Variants in PALM observed in about 807,000 individuals in gnomAD.
PALM encodes the protein paralemmin-1.
PALM carries 18 observed loss-of-function variants against 30.7 expected under a neutral mutation model. The observed-to-expected ratio is 0.59, with a 90% confidence interval of 0.41 to 0.87. The LOEUF (loss-of-function observed/expected upper bound fraction) is 0.87, where lower values mean the gene tolerates loss of function less well. PALM is among the 40% of genes least tolerant of loss of function. The pLI is 0.00. For synonymous variants in PALM, 286 were observed against 242.8 expected (o/e 1.18, Z -1.66); for missense variants, 529 against 555.4 (o/e 0.95, Z 0.48).
chr19:721,453 A>T (rs966009332), intron 1 of PALM, among the ~76,000 whole-genome samples: 1 of 151,758 alleles, frequency 6.6e-6, no homozygotes, highest in Non-Finnish European at 1.5e-5. Context: ...TTTAGTAGAG[A>T]CTGGGTTTTG....
chr19:733,849 G>A (rs916391056), intron 5 of PALM, among the ~76,000 whole-genome samples: 2 of 152,152 alleles, frequency 1.3e-5, no homozygotes, highest in African/African-American at 4.8e-5. Context: ...AGCCAGGTGC[G>A]ATGACGCAGG....
In PALM at chr19:746,627, C is replaced by T. The variant is rs370222652; in HGVS notation, c.977C>T (p.Ala326Val). 1.2e-5 allele frequency: 19 copies of T among 1,612,930 alleles called. No individual in the cohort carries two copies. Among genetic ancestry groups the T allele is most frequent in the South Asian group, 3.3e-5 (3 of 91,034 alleles). ...KVLGLQDTIT[A>V]ELVVIEDAAE... ...CTGGGCCTTCAAGATACCATCACGG[C>T]GGAGCTGGTGGTCATCGAAGACGCG... The change falls in exon 9 of 9, where the codon GCG becomes GTG. Residue 326 changes from alanine to valine, a missense_variant. Physicochemically the swap from Ala to Val is moderately conservative, Grantham distance 64. Transcript: ENST00000338448. This position sits in a 1 kb window ranked among gnomAD's most constrained non-coding sequence, Gnocchi z 7.1.
At chr19:745,474 A>G (rs891748024) in intron 8 of PALM, among the ~76,000 whole-genome samples, 16 of 151,984 alleles carry the variant, frequency 1.1e-4, no homozygotes, top group African/African-American at 3.9e-4. Flanking sequence ...TGGGCAGATG[A>G]CTTGAGGTCA....
At chr19:744,317 G>A (rs905887018) in intron 8 of PALM, among the ~76,000 whole-genome samples, 3 of 150,492 alleles carry the variant, frequency 2.0e-5, no homozygotes, top group Admixed American at 6.6e-5. Context: ...GGAGAATGGC[G>A]TGAACCCGGG....
chr19:716,801 C>T (rs1009550066), intron 1 of PALM, among the ~76,000 whole-genome samples: 4 of 152,130 alleles, frequency 2.6e-5, no homozygotes, highest in Admixed American at 6.5e-5. Flanking sequence ...TATACACACA[C>T]GTACACAGGT....
chr19:729,936 T>G (rs888607894), intron 4 of PALM, among the ~76,000 whole-genome samples: 4 of 152,112 alleles, frequency 2.6e-5, no homozygotes, highest in African/African-American at 7.2e-5. Flanking sequence ...CTGGGCACAC[T>G]GGTGTTCTTT....
intron 1 of PALM, among the ~76,000 whole-genome samples, chr19:716,945 T>C (rs996954709): frequency 1.3e-5 from 2 of 152,004 alleles, no homozygotes; most frequent in Non-Finnish European, 2.9e-5. Context: ...ACTTTTTTTT[T>C]TTTTGAGACA....
chr19:744,989 G>A (rs2033297433), intron 8 of PALM, among the ~76,000 whole-genome samples: 1 of 151,396 alleles, frequency 6.6e-6, no homozygotes, highest in South Asian at 2.1e-4. Flanking sequence ...AGACCAGACT[G>A]GCCAACGTGG....
chr19:719,130 G>A (rs74337518), intron 1 of PALM: 12,070 of 985,312 alleles, frequency 0.012, 210 homozygotes, highest in South Asian at 0.089. Context: ...CCCGGGCAGG[G>A]ACCCCCTCGT....
intron 1 of PALM, among the ~76,000 whole-genome samples, chr19:711,681 C>T (rs1408899587): frequency 6.6e-6 from 1 of 152,146 alleles, no homozygotes; most frequent in Non-Finnish European, 1.5e-5. Context: ...TCTGGTTTGC[C>T]CAGTGTTGAT....
At chr19:722,415 G>C (rs1257336055) in intron 1 of PALM, 2 of 152,178 alleles carry the variant, frequency 1.3e-5, no homozygotes, top group Non-Finnish European at 2.9e-5. Flanking sequence ...TTTTTGTAGA[G>C]ACAGGCTCTT....
In PALM at chr19:746,456, C is replaced by T. The variant is rs756832811; in HGVS notation, c.806C>T (p.Ser269Phe). 8.7e-6 allele frequency: 14 copies of T among 1,609,410 alleles called. No individual in the cohort carries two copies. In the East Asian group the frequency reaches 2.9e-4, roughly 33 times the overall value. The change falls in exon 9 of 9, where the codon TCC becomes TTC. Residue 269 changes from serine to phenylalanine, a missense_variant. Coordinates refer to ENST00000338448, the MANE Select transcript of PALM (RefSeq NM_002579.3). This position sits in a 1 kb window ranked among gnomAD's most constrained non-coding sequence, Gnocchi z 7.1. ...AVEGAARTTPSRREITGVQAQ... is the reference protein window; with the variant it reads ...AVEGAARTTPFRREITGVQAQ... ...GAGGGGGCAGCCCGGACCACGCCCT[C>T]CCGGCGGGAGATCACCGGTGTGCAG... is the stretch of plus-strand genomic sequence containing the variant.
chr19:732,723 C>G (rs1346778412), intron 5 of PALM, among the ~76,000 whole-genome samples: 1 of 151,808 alleles, frequency 6.6e-6, no homozygotes, highest in Non-Finnish European at 1.5e-5. Flanking sequence ...GGGCACAGTC[C>G]TGGACCTCAC....
chr19:722,029 C>T (rs2032500627), intron 1 of PALM, among the ~76,000 whole-genome samples: 2 of 152,242 alleles, frequency 1.3e-5, no homozygotes, highest in African/African-American at 4.8e-5. Context: ...CGCCATTCTC[C>T]TGCCTCAGCC....
intron 6 of PALM, chr19:735,219 G>C (rs10439153): frequency 3.5e-3 from 136 of 39,170 alleles, no homozygotes; most frequent in East Asian, 0.014. Context: ...CCTGGTGTCT[G>C]GGTGGGGTCT....
At chr19:714,590 C>T (rs2032196548) in intron 1 of PALM, among the ~76,000 whole-genome samples, 1 of 141,246 alleles carries the variant, frequency 7.1e-6, no homozygotes, top group Non-Finnish European at 1.5e-5. Context: ...GATCTCCTGA[C>T]CTCGTGATCC....
Position 727,552 on chromosome 19 carries a change from C to CTT in PALM, c.139-12_139-11insTT. 1.9e-6 allele frequency: 3 copies of CTT among 1,572,660 alleles called. No homozygotes were observed. The highest frequency in any genetic ancestry group is 1.3e-5 in the African/African-American group (1 of 74,358). ...CCTGCCCACGACTCTGACCTGGATCCCTGCTGCTCAGTCCAAGGCACTGCG... is the reference window on the plus strand; with the variant it reads ...CCTGCCCACGACTCTGACCTGGATCCTTCTGCTGCTCAGTCCAAGGCACTGCG... On this transcript the variant is annotated splice_polypyrimidine_tract_variant and intron_variant, in intron 3 of 8. Transcript: ENST00000338448.
chr19:715,457 A>G (rs533142637), intron 1 of PALM, among the ~76,000 whole-genome samples: 1 of 152,336 alleles, frequency 6.6e-6, no homozygotes, highest in South Asian at 2.1e-4. Flanking sequence ...AGGTGTGAGA[A>G]AGGCTTCCTC....
intron 7 of PALM, among the ~76,000 whole-genome samples, chr19:739,533 T>A (rs1257416291): frequency 6.6e-6 from 1 of 151,120 alleles, no homozygotes; most frequent in Non-Finnish European, 1.5e-5. Flanking sequence ...ATAAATAAAT[T>A]AGCCGGGTGT....
Sources: gnomAD v4.1 joint callset for allele counts (sites outside exome capture counted in the v4.1 genomes callset) on GRCh38, gnomAD v4.1.1 for gene constraint, Gnocchi (gnomAD v3.1) non-coding constraint, MANE v1.5 for transcripts, NCBI Gene and HGNC (gene_info 2026-07-23, HGNC 2026-07-21) for gene names.